MAN1A2: variants seen among roughly 807,000 people sequenced by gnomAD.
The protein encoded by MAN1A2 is mannosidase alpha class 1A member 2, also known as mannosyl-oligosaccharide 1,2-alpha-mannosidase IB.
In MAN1A2, 26 loss-of-function variants were observed where a neutral mutation model predicts 75.7. That is an observed-to-expected ratio of 0.34 (90% confidence interval 0.25 to 0.48). The LOEUF (loss-of-function observed/expected upper bound fraction) is 0.48, where lower values mean the gene tolerates loss of function less well. MAN1A2 is among the 20% of genes least tolerant of loss of function. MAN1A2 has a pLI of 0.99. For missense variants in MAN1A2, 562 were observed against 775.5 expected (o/e 0.72, Z 3.27); for synonymous variants, 247 against 264.6 (o/e 0.93, Z 0.65).
intron 6 of MAN1A2, among the ~76,000 whole-genome samples, chr1:117,447,294 T>A (rs1178066917): frequency 2.6e-5 from 4 of 152,174 alleles, no homozygotes; most frequent in Non-Finnish European, 4.4e-5. Flanking sequence ...AATCTCATTA[T>A]TTTTAAGAGC....
At chr1:117,462,449 A>C (rs1331278088) in intron 7 of MAN1A2, among the ~76,000 whole-genome samples, 1 of 152,196 alleles carries the variant, frequency 6.6e-6, no homozygotes, top group African/African-American at 2.4e-5. Flanking sequence ...TGTTGAAGTA[A>C]AAATAATATA....
chr1:117,473,037 C>G (rs890684368), intron 8 of MAN1A2, among the ~76,000 whole-genome samples: 1 of 151,924 alleles, frequency 6.6e-6, no homozygotes, highest in Non-Finnish European at 1.5e-5. Flanking sequence ...TAGTCCTCAC[C>G]TTGTCCTTGG....
At chr1:117,476,359 G>T (rs942859658) in intron 8 of MAN1A2, among the ~76,000 whole-genome samples, 8 of 151,950 alleles carry the variant, frequency 5.3e-5, no homozygotes, top group Non-Finnish European at 1.0e-4. Context: ...CTCTTTAGTT[G>T]AATTAGATCC....
chr1:117,382,081 A>G (rs1304547102), intron 1 of MAN1A2, among the ~76,000 whole-genome samples: 1 of 152,100 alleles, frequency 6.6e-6, no homozygotes, highest in East Asian at 1.9e-4. Context: ...TCTGGATATT[A>G]GCCCTTTGTC....
chr1:117,446,707 T>C (rs1649246827), intron 6 of MAN1A2, among the ~76,000 whole-genome samples: 1 of 151,432 alleles, frequency 6.6e-6, no homozygotes, highest in African/African-American at 2.5e-5. Context: ...ATATGGTCTT[T>C]CTTGGTAAAT....
intron 6 of MAN1A2, among the ~76,000 whole-genome samples, chr1:117,449,780 C>CT (rs1465837949): frequency 6.6e-6 from 1 of 152,144 alleles, no homozygotes; most frequent in Non-Finnish European, 1.5e-5. Flanking sequence ...TTTGAGTGGT[C>CT]TGTGTAGAAG....
intron 4 of MAN1A2, among the ~76,000 whole-genome samples, chr1:117,417,120 G>A (rs1379457558): frequency 6.6e-6 from 1 of 152,112 alleles, no homozygotes; most frequent in East Asian, 1.9e-4. Context: ...ATGCATTTGT[G>A]TAGTTCCAAC....
chr1:117,505,151 C>G (rs1050942764), intron 12 of MAN1A2, among the ~76,000 whole-genome samples: 27 of 151,416 alleles, frequency 1.8e-4, no homozygotes, highest in African/African-American at 7.3e-5. Context: ...TTGCATTTGT[C>G]TATTTTATAT....
At chr1:117,385,777 G>A (rs1464388895) in intron 1 of MAN1A2, among the ~76,000 whole-genome samples, 1 of 152,150 alleles carries the variant, frequency 6.6e-6, no homozygotes, top group Non-Finnish European at 1.5e-5. Context: ...TGCAGAAAAG[G>A]TATTTATTGG....
At chr1:117,412,060 A>C (rs1220395786) in intron 3 of MAN1A2, among the ~76,000 whole-genome samples, 1 of 151,796 alleles carries the variant, frequency 6.6e-6, no homozygotes, top group Non-Finnish European at 1.5e-5. Flanking sequence ...GAATTTTAAG[A>C]TCTTTTTCCC....
At chr1:117,427,290 T>A (rs1648407002) in intron 5 of MAN1A2, among the ~76,000 whole-genome samples, 1 of 152,188 alleles carries the variant, frequency 6.6e-6, no homozygotes, top group South Asian at 2.1e-4. Context: ...ATTTCTGAAA[T>A]GACCAAATAG....
chr1:117,417,557 A>ATATATATGTG (rs1214425551), intron 4 of MAN1A2, among the ~76,000 whole-genome samples: 1 of 140,746 alleles, frequency 7.1e-6, no homozygotes, highest in African/African-American at 2.6e-5. Context: ...ATATATATAT[A>ATATATATGTG]TGTGATATAT....
chr1:117,399,983 G>A (rs1021731070), intron 1 of MAN1A2, among the ~76,000 whole-genome samples: 1 of 152,124 alleles, frequency 6.6e-6, no homozygotes, highest in African/African-American at 2.4e-5. Flanking sequence ...GTGTTTTTCT[G>A]TTGGTAAAAT....
chr1:117,517,106 G>A (rs901212059), intron 12 of MAN1A2, among the ~76,000 whole-genome samples: 1 of 152,116 alleles, frequency 6.6e-6, no homozygotes, highest in South Asian at 2.1e-4. Flanking sequence ...CAATAGTGGG[G>A]AATAACCTGC....
chr1:117,426,679 C>G (rs1389152213), intron 5 of MAN1A2, among the ~76,000 whole-genome samples: 1 of 152,070 alleles, frequency 6.6e-6, no homozygotes, highest in African/African-American at 2.4e-5. Context: ...AACAGAATGG[C>G]CATACGAGCA....
intron 5 of MAN1A2, among the ~76,000 whole-genome samples, chr1:117,423,437 G>T (rs1648261057): frequency 6.6e-6 from 1 of 152,042 alleles, no homozygotes; most frequent in Admixed American, 6.5e-5. Context: ...TTTTAACTGG[G>T]ATTATAAATT....
intron 3 of MAN1A2, among the ~76,000 whole-genome samples, chr1:117,413,436 A>T (rs1347612176): frequency 6.6e-6 from 1 of 151,930 alleles, no homozygotes; most frequent in African/African-American, 2.4e-5. Context: ...GAGAATAGTA[A>T]ATGGAAAATG....
At chr1:117,491,338 C>G (rs184326317) in intron 8 of MAN1A2, among the ~76,000 whole-genome samples, 2 of 151,996 alleles carry the variant, frequency 1.3e-5, no homozygotes, top group Non-Finnish European at 2.9e-5. Flanking sequence ...CCTAGGGCCT[C>G]TAAGAATTTT....
At chr1:117,420,746 T>C (rs1648159384) in intron 5 of MAN1A2, 97 bp downstream of exon 5, 3 of 864,294 alleles carry the variant, frequency 3.5e-6, no homozygotes, top group Admixed American at 2.0e-5. Flanking sequence ...GTTTTCTAAA[T>C]TGGTAATATT....
Sources: allele counts gnomAD v4.1 joint callset (sites outside exome capture counted in the v4.1 genomes callset), GRCh38; gene constraint gnomAD v4.1.1; transcripts MANE v1.5; gene names NCBI Gene and HGNC (gene_info 2026-07-23, HGNC 2026-07-21).